ARID5B: variants seen among roughly 807,000 people sequenced by gnomAD.
ARID5B encodes AT-rich interaction domain 5B.
In ARID5B, 13 loss-of-function variants were observed where a neutral mutation model predicts 97.2. The observed-to-expected ratio is 0.13, with a 90% CI of 0.09 to 0.21. The LOEUF is 0.21. Among genes scored for constraint, ARID5B ranks in the 10% least tolerant of loss-of-function variants. The probability of loss-of-function intolerance (pLI) is 1.00; values close to 1 mark genes in which losing one functional copy is unlikely to be tolerated. For missense variants in ARID5B, 1,210 were observed against 1,465.3 expected (o/e 0.83, Z 2.84); for synonymous variants, 556 against 570.3 (o/e 0.97, Z 0.36).
intron 3 of ARID5B, among the ~76,000 whole-genome samples, chr10:61,967,991 G>T (rs528152661): frequency 9.2e-5 from 14 of 151,722 alleles, no homozygotes; most frequent in Non-Finnish European, 2.1e-4. Context: ...ATTATGCCCA[G>T]GCTCCATTAA....
intron 4 of ARID5B, among the ~76,000 whole-genome samples, chr10:62,017,847 A>G (rs1417453272): frequency 6.6e-6 from 1 of 152,224 alleles, no homozygotes; most frequent in East Asian, 1.9e-4. Context: ...AATACATAAA[A>G]TATTTGTACA....
At chr10:61,928,120 T>C (rs1038631206) in intron 2 of ARID5B, among the ~76,000 whole-genome samples, 3 of 152,144 alleles carry the variant, frequency 2.0e-5, no homozygotes, top group Non-Finnish European at 4.4e-5. Flanking sequence ...TTGTGTTTGG[T>C]AGAAGGGTCT....
rs566803504 is a variant in ARID5B, at chr10:61,954,865, G to T, written c.502+14457G>T. On this transcript the variant is annotated intron_variant, in intron 3 of 9. Coordinates refer to ENST00000279873, the MANE Select transcript of ARID5B (RefSeq NM_032199.3). The stretch of plus-strand genomic sequence containing the variant: ...CTACTAAATATATAAAATTAGCTTG[G>T]CATGGTGGTGCATGCCTGTAATCCC... 2.6e-5 allele frequency among the ~76,000 whole-genome samples: 4 copies of T among 152,158 alleles called. No homozygotes were observed. In the East Asian group the frequency reaches 7.7e-4, roughly 29 times the overall value.
At position 62,093,204 on chromosome 10, in the gene ARID5B, C is replaced by A; in HGVS notation, c.*174C>A. The A allele has an allele frequency of 4.1e-6, 4 of 972,742 alleles. No homozygotes were observed. Among genetic ancestry groups the A allele is most frequent in the Non-Finnish European group, 5.8e-6 (4 of 683,852 alleles). 60.3% of individuals were successfully genotyped at this position (972,742 alleles called of 1,614,324 possible). The stretch of plus-strand genomic sequence containing the variant: ...AACATGCCTGATTTTTGTGGGACAA[C>A]TCTAGCCCACAAACTGACTGGCTGG... On this transcript the variant is annotated 3_prime_UTR_variant, in exon 10 of 10. Coordinates refer to ENST00000279873, the MANE Select transcript of ARID5B (RefSeq NM_032199.3).
intron 4 of ARID5B, among the ~76,000 whole-genome samples, chr10:62,045,944 C>A (rs555350772): frequency 2.0e-5 from 3 of 152,360 alleles, no homozygotes; most frequent in South Asian, 4.1e-4. Flanking sequence ...GCCGACTTCT[C>A]TAGACATTGA....
intron 4 of ARID5B, among the ~76,000 whole-genome samples, chr10:62,032,574 G>T (rs2132906814): frequency 6.6e-6 from 1 of 152,206 alleles, no homozygotes; most frequent in South Asian, 2.1e-4. Context: ...AATTAGCCGG[G>T]CGTGGTGATG....
intron 3 of ARID5B, among the ~76,000 whole-genome samples, chr10:61,991,447 G>C (rs550954460): frequency 8.5e-5 from 13 of 152,212 alleles, no homozygotes; most frequent in African/African-American, 3.1e-4. Flanking sequence ...CCCTAATGAA[G>C]AGCATTTTTT....
At chr10:62,006,171 G>T (rs1335094122) in intron 4 of ARID5B, among the ~76,000 whole-genome samples, 1 of 152,212 alleles carries the variant, frequency 6.6e-6, no homozygotes, top group Non-Finnish European at 1.5e-5. Context: ...GCTGGGCGTG[G>T]TGGTTCACAC....
chr10:62,014,282 C>G (rs978769163), intron 4 of ARID5B, among the ~76,000 whole-genome samples: 1 of 152,060 alleles, frequency 6.6e-6, no homozygotes, highest in Non-Finnish European at 1.5e-5. Flanking sequence ...TGTAGGAATG[C>G]TTAAAGTTGA....
intron 3 of ARID5B, among the ~76,000 whole-genome samples, chr10:61,955,006 C>CA (rs374587937): frequency 0.17 from 22,495 of 130,714 alleles, 2,241 homozygotes; most frequent in Non-Finnish European, 0.25. Context: ...AACTCCATCT[C>CA]AAAAAAAAAA....
chr10:61,903,895 C>A (rs1024781683), intron 2 of ARID5B, among the ~76,000 whole-genome samples: 1 of 150,236 alleles, frequency 6.7e-6, no homozygotes, highest in African/African-American at 2.5e-5. Context: ...TCACCTCCCC[C>A]CTCCACCCTC....
At chr10:62,070,233 T>G (rs1401824899) in intron 8 of ARID5B, among the ~76,000 whole-genome samples, 1 of 152,250 alleles carries the variant, frequency 6.6e-6, no homozygotes, top group Admixed American at 6.5e-5. Flanking sequence ...AGATCAAATC[T>G]GTTGTTTTAT....
intron 3 of ARID5B, 63 bp downstream of exon 3, chr10:61,940,471 G>C (rs1265433000): frequency 7.3e-7 from 1 of 1,363,574 alleles, no homozygotes; most frequent in Non-Finnish European, 1.0e-6. Context: ...TTCGGTTGAA[G>C]ATTTTTCTGG....
Position 61,915,635 on chromosome 10 carries a change from G to A in ARID5B, c.276+13222G>A, listed in dbSNP as rs78858307. On this transcript the variant is annotated intron_variant, in intron 2 of 9. Coordinates refer to ENST00000279873, the MANE Select transcript of ARID5B (RefSeq NM_032199.3). ...TAGGTATCATCTAGACACCTGGGGTGCATATTTAGAGCTAATGTACATCAT... is the reference window on the plus strand; with the variant it reads ...TAGGTATCATCTAGACACCTGGGGTACATATTTAGAGCTAATGTACATCAT... Among the ~76,000 whole-genome samples the A allele has an allele frequency of 2.8e-3, 424 of 152,262 alleles. 5 individuals are homozygous for A. The highest frequency in any genetic ancestry group is 9.8e-3 in the African/African-American group (407 of 41,544).
At chr10:61,908,668 T>A (rs1843744574) in intron 2 of ARID5B, among the ~76,000 whole-genome samples, 1 of 151,390 alleles carries the variant, frequency 6.6e-6, no homozygotes, top group South Asian at 2.1e-4. Context: ...GGCGTGGTGG[T>A]GGGCACCTGT....
At chr10:62,010,622 T>A (rs1171010498) in intron 4 of ARID5B, among the ~76,000 whole-genome samples, 2 of 152,194 alleles carry the variant, frequency 1.3e-5, no homozygotes, top group Non-Finnish European at 2.9e-5. Context: ...TTTCTCAATA[T>A]TTATTTATCT....
chr10:62,060,974 T>C (rs902013196), intron 7 of ARID5B, among the ~76,000 whole-genome samples: 3 of 152,228 alleles, frequency 2.0e-5, no homozygotes, highest in Non-Finnish European at 4.4e-5. Flanking sequence ...GTTTAATAAA[T>C]TTCAGGGCAT....
chr10:62,080,993 T>A (rs1404314656), intron 8 of ARID5B, among the ~76,000 whole-genome samples: 2 of 152,036 alleles, frequency 1.3e-5, no homozygotes, highest in Non-Finnish European at 2.9e-5. Flanking sequence ...TGGCTAATTA[T>A]TGTATTTTTA....
At chr10:62,029,742 ATTCTGCCCTTATTT>A in intron 4 of ARID5B, among the ~76,000 whole-genome samples, 1 of 152,256 alleles carries the variant, frequency 6.6e-6, no homozygotes, top group Non-Finnish European at 1.5e-5. Context: ...CTCGTAACAA[ATTCTGCCCTTATTT>A]AGTTCAGATT....
Sources: gnomAD v4.1 joint callset for allele counts (sites outside exome capture counted in the v4.1 genomes callset) on GRCh38, gnomAD v4.1.1 for gene constraint, MANE v1.5 for transcripts, NCBI Gene and HGNC (gene_info 2026-07-23, HGNC 2026-07-21) for gene names.